The following PNPLA1 variants were observed in gnomAD, a reference collection of about 807,000 sequenced individuals.
PNPLA1 encodes the protein patatin like domain 1, omega-hydroxyceramide transacylase, also known as omega-hydroxyceramide transacylase.
A neutral mutation model predicts 51.7 loss-of-function variants in PNPLA1; 36 were observed. The ratio of observed to expected loss-of-function variants is 0.70; its 90% confidence interval spans 0.53 to 0.92. PNPLA1 has a LOEUF of 0.92. Ranked by LOEUF, PNPLA1 falls within the 40% of genes least tolerant of loss-of-function variation. The probability of loss-of-function intolerance (pLI) is 0.00; values close to 1 mark genes in which losing one functional copy is unlikely to be tolerated. For missense variants in PNPLA1, 658 were observed against 682.5 expected, an observed-to-expected ratio of 0.96 and a Z score of 0.40; for synonymous variants, 293 against 280.1, an observed-to-expected ratio of 1.05 and a Z score of -0.46.
intron 8 of PNPLA1, among the ~76,000 whole-genome samples, chr6:36,310,251 A>C (rs1294284149): frequency 6.6e-6 from 1 of 152,190 alleles, no homozygotes; most frequent in Non-Finnish European, 1.5e-5. Context: ...TAGGAACGGC[A>C]GTGATGCCAG....
chr6:36,286,850 A>AT (rs1770503756), intron 1 of PNPLA1, among the ~76,000 whole-genome samples: 2 of 148,586 alleles, frequency 1.3e-5, no homozygotes, highest in African/African-American at 5.2e-5. Flanking sequence ...GGCTAATTTA[A>AT]ATTTTTTTTT....
intron 5 of PNPLA1, among the ~76,000 whole-genome samples, chr6:36,297,614 T>G (rs1770897334): frequency 6.6e-6 from 1 of 152,036 alleles, no homozygotes; most frequent in East Asian, 1.9e-4. Context: ...CAAGCCACTC[T>G]GTCTACACTC....
At chr6:36,254,291 C>T (rs1192301805) in intron 1 of PNPLA1, among the ~76,000 whole-genome samples, 5 of 152,012 alleles carry the variant, frequency 3.3e-5, no homozygotes, top group Non-Finnish European at 7.4e-5. Context: ...TTGGGCCATC[C>T]TAGGAAGGGT....
At chr6:36,249,934 G>A (rs950803957) in intron 1 of PNPLA1, among the ~76,000 whole-genome samples, 1 of 152,152 alleles carries the variant, frequency 6.6e-6, no homozygotes, top group African/African-American at 2.4e-5. Flanking sequence ...GGTCAATAGT[G>A]GTTAGTTATT....
At chr6:36,246,924 A>G (rs1769301086) in intron 1 of PNPLA1, among the ~76,000 whole-genome samples, 1 of 152,090 alleles carries the variant, frequency 6.6e-6, no homozygotes, top group Non-Finnish European at 1.5e-5. Context: ...TCCCAGACTC[A>G]GGACCAGCCT....
chr6:36,268,616 C>T (rs965406473), upstream of PNPLA1, among the ~76,000 whole-genome samples: 1 of 152,212 alleles, frequency 6.6e-6, no homozygotes, highest in Admixed American at 6.5e-5. Flanking sequence ...TGTTCCAGCC[C>T]ACACTGCTCA....
rs542167511 is a variant in PNPLA1 at position 36,311,881 on chromosome 6, G to A, written c.1714G>A (p.Gly572Arg). 1 of 152,706 alleles carries A rather than the reference G, an allele frequency of 6.5e-6. No individual in the cohort carries two copies. The highest frequency in any genetic ancestry group is 6.5e-5 in the Admixed American group (1 of 15,294). 9.5% of individuals were successfully genotyped at this position (152,706 alleles called of 1,614,324 possible). A position where few individuals can be genotyped will look rare whatever the true frequency, so the allele number is the denominator to read the frequency against. Residue 572 changes from glycine to arginine, a missense_variant, in exon 9 of 9, where the codon GGA becomes AGA. Coordinates refer to ENST00000636260, the MANE Select transcript of PNPLA1 (RefSeq NM_001374623.1). ...ECCPEVWNSLG is the reference protein window; with the variant it reads ...ECCPEVWNSLR ...CTGCCCTGAAGTGTGGAATTCCTTA[G>A]GATGACCTTGGAAGGCAGATACTGC...
intron 1 of PNPLA1, among the ~76,000 whole-genome samples, chr6:36,250,571 A>G (rs1421560605): frequency 1.3e-5 from 2 of 152,198 alleles, no homozygotes; most frequent in African/African-American, 2.4e-5. Context: ...ACATCATTCA[A>G]CAAATATTTA....
At position 36,270,297 on chromosome 6, in the gene PNPLA1, G is replaced by A. The variant is rs1297440229; in HGVS notation, c.-163G>A. Among the ~76,000 whole-genome samples, 3 of 152,232 alleles carry A rather than the reference G, an allele frequency of 2.0e-5. No individual in the cohort carries two copies. Among genetic ancestry groups the A allele is most frequent in the African/African-American group, 7.2e-5 (3 of 41,462 alleles). On this transcript the variant is annotated 5_prime_UTR_variant, in exon 1 of 9. Transcript: ENST00000636260. The stretch of plus-strand genomic sequence containing the variant: ...TTAACAGGCTGAGGCAGCTTCCTGA[G>A]CAGCCTGTGGTTGCTCCAGCCGGGT...
In PNPLA1 at chr6:36,294,700, C is replaced by A. The variant is rs1318932755; in HGVS notation, c.714+301C>A. Reference sequence around the variant, plus strand: ...ACAGTTCATGTCCCAAATCAAAGGTCGGCAAGCTGCAGCCCACGGGCCAAA... The same window carrying A: ...ACAGTTCATGTCCCAAATCAAAGGTAGGCAAGCTGCAGCCCACGGGCCAAA... On this transcript the variant is annotated intron_variant, in intron 4 of 8. Coordinates refer to ENST00000636260, the MANE Select transcript of PNPLA1 (RefSeq NM_001374623.1). This position sits in a 1 kb window ranked among gnomAD's most constrained non-coding sequence, Gnocchi z 4.2. Among the ~76,000 whole-genome samples, 1 of 152,144 alleles carries A rather than the reference C, an allele frequency of 6.6e-6. No homozygotes were observed. Among genetic ancestry groups the A allele is most frequent in the African/African-American group, 2.4e-5 (1 of 41,424 alleles).
At chr6:36,253,757 A>T (rs1769471993) in intron 1 of PNPLA1, among the ~76,000 whole-genome samples, 1 of 152,174 alleles carries the variant, frequency 6.6e-6, no homozygotes, top group African/African-American at 2.4e-5. Flanking sequence ...GGGATTACAG[A>T]TGTGAGTCAC....
chr6:36,293,245 G>C (rs1185452280), intron 3 of PNPLA1, 119 bp downstream of exon 3: 3 of 1,016,218 alleles, frequency 3.0e-6, no homozygotes, highest in Non-Finnish European at 4.5e-6. Flanking sequence ...CCTAGAGTTG[G>C]AGAGTTTCTC....
In PNPLA1 at chr6:36,302,043, G is replaced by A. The variant is rs1372996036; in HGVS notation, c.958G>A (p.Gly320Arg). ...CAAGGAGTGGGTTCCCAAAGGGGAT[G>A]GAAGGGGCAGCCATGGTCCGCCTGT... Reference protein sequence around the residue: ...PHKEWVPKGDGRGSHGPPVSQ... With the variant: ...PHKEWVPKGDRRGSHGPPVSQ... The change falls in exon 6 of 9, where the codon GGA (glycine) becomes AGA (arginine). Residue 320 changes from glycine to arginine, a missense_variant. Gly to Arg is a moderately radical substitution (Grantham distance 125, BLOSUM62 -2). Coordinates refer to ENST00000636260, the MANE Select transcript of PNPLA1 (RefSeq NM_001374623.1). 3.7e-6 allele frequency: 6 copies of A among 1,614,214 alleles called. No individual in the cohort carries two copies. The highest frequency in any genetic ancestry group is 2.5e-6 in the Non-Finnish European group (3 of 1,180,046).
chr6:36,276,485 C>T (rs1223725355), intron 1 of PNPLA1, among the ~76,000 whole-genome samples: 1 of 152,146 alleles, frequency 6.6e-6, no homozygotes, highest in Non-Finnish European at 1.5e-5. Flanking sequence ...TGGTAACCTT[C>T]ATTAATCCAT....
intron 6 of PNPLA1, among the ~76,000 whole-genome samples, chr6:36,303,382 C>G (rs528431885): frequency 1.2e-4 from 18 of 152,172 alleles, no homozygotes; most frequent in African/African-American, 3.4e-4. Flanking sequence ...CGTGAGCCAC[C>G]GCGCCCAGCC....
intron 1 of PNPLA1, among the ~76,000 whole-genome samples, chr6:36,258,318 G>C (rs1769573861): frequency 6.6e-6 from 1 of 152,126 alleles, no homozygotes; most frequent in South Asian, 2.1e-4. Context: ...CTGTCCTCTG[G>C]TTTTTCACGC....
At position 36,288,477 on chromosome 6, in the gene PNPLA1, G is replaced by A. The variant is rs528576925; in HGVS notation, c.206-2843G>A. Among the ~76,000 whole-genome samples the A allele has an allele frequency of 1.5e-4, 21 of 138,164 alleles. No individual in the cohort carries two copies. In the South Asian group the frequency reaches 2.9e-3, roughly 19 times the overall value. 90.6% of individuals were successfully genotyped at this position (138,164 alleles called of 152,430 possible). ...TTTTTTTTTTTTGAGACGGAGTCTC[G>A]CTCTGTCGCCCAGGCCGGACTGCGG... On this transcript the variant is annotated intron_variant, in intron 1 of 8. Transcript: ENST00000636260.
At chr6:36,257,695 A>G (rs964353586) in intron 1 of PNPLA1, among the ~76,000 whole-genome samples, 2 of 152,224 alleles carry the variant, frequency 1.3e-5, no homozygotes, top group Admixed American at 1.3e-4. Flanking sequence ...AAATGGTTAT[A>G]ATAGCTGCTT....
chr6:36,247,916 A>G (rs4395718), intron 1 of PNPLA1, among the ~76,000 whole-genome samples: 118,236 of 152,078 alleles, frequency 0.78, 46,108 homozygotes, highest in Admixed American at 0.87. Flanking sequence ...TGTCTCAGGA[A>G]TGACCTAACC....
Sources: allele counts gnomAD v4.1 joint callset (sites outside exome capture counted in the v4.1 genomes callset), GRCh38; gene constraint gnomAD v4.1.1; non-coding constraint Gnocchi (gnomAD v3.1); transcripts MANE v1.5; gene names NCBI Gene and HGNC (gene_info 2026-07-23, HGNC 2026-07-21).